AGTPBP1: variants seen among roughly 807,000 people sequenced by gnomAD.
AGTPBP1 encodes cytosolic carboxypeptidase 1.
Under a neutral mutation model 143.9 loss-of-function variants are expected in AGTPBP1, and 70 were observed. The ratio of observed to expected loss-of-function variants is 0.49; its 90% CI spans 0.40 to 0.59. AGTPBP1 has a LOEUF of 0.59. AGTPBP1 is among the 20% of genes least tolerant of loss of function. The pLI is 0.00. For missense variants in AGTPBP1, 1,229 were observed against 1,464.5 expected (o/e 0.84, Z 2.62); for synonymous variants, 463 against 500.2 (o/e 0.93, Z 0.99).
upstream of AGTPBP1, among the ~76,000 whole-genome samples, chr9:85,745,573 C>G (rs1000549073): frequency 6.6e-6 from 1 of 152,162 alleles, no homozygotes; most frequent in Non-Finnish European, 1.5e-5. Context: ...TAAATGAATG[C>G]GGCAAAACTG....
chr9:85,624,063 A>T (rs1354766591), intron 14 of AGTPBP1, among the ~76,000 whole-genome samples: 1 of 152,182 alleles, frequency 6.6e-6, no homozygotes, highest in Non-Finnish European at 1.5e-5. Flanking sequence ...CACCAGCAAA[A>T]TTGTACTTTG....
chr9:85,709,868 G>T (rs1463769523), intron 2 of AGTPBP1, among the ~76,000 whole-genome samples: 4 of 152,104 alleles, frequency 2.6e-5, no homozygotes, highest in Non-Finnish European at 5.9e-5. Flanking sequence ...TTTACTAGAC[G>T]TGCTTCTTTG....
chr9:85,715,118 A>C (rs1384280563), intron 1 of AGTPBP1, among the ~76,000 whole-genome samples: 2 of 152,002 alleles, frequency 1.3e-5, no homozygotes, highest in Non-Finnish European at 2.9e-5. Context: ...CTGGTGGTGC[A>C]AGCCTGTAAT....
At chr9:85,755,215 T>C in the AGTPBP1 span, among the ~76,000 whole-genome samples, 1 of 152,180 alleles carries the variant, frequency 6.6e-6, no homozygotes, top group Non-Finnish European at 1.5e-5. Context: ...AAACCCTTTC[T>C]ATAAGGTTCA....
chr9:85,714,127 G>T (rs1161511966), intron 1 of AGTPBP1, among the ~76,000 whole-genome samples: 1 of 152,222 alleles, frequency 6.6e-6, no homozygotes, highest in Non-Finnish European at 1.5e-5. Context: ...ATTTGAACTT[G>T]CAGTTCACAG....
rs868857640 is a variant in AGTPBP1 at position 85,692,339 on chromosome 9, T to A, written c.157+350A>T. ...CCCAGGCTGGAGTGCAGTGGCACGA[T>A]CTCAGCTCACTGCAACCTCCACCTC... On this transcript the variant is annotated intron_variant, in intron 3 of 25. Coordinates refer to ENST00000357081, the MANE Select transcript of AGTPBP1 (RefSeq NM_001330701.2). Among the ~76,000 whole-genome samples, 7 of 151,480 alleles carry A rather than the reference T, an allele frequency of 4.6e-5. No homozygotes were observed. In the South Asian group the frequency reaches 8.4e-4, roughly 18 times the overall value.
the AGTPBP1 span, among the ~76,000 whole-genome samples, chr9:85,788,897 A>G: frequency 1.3e-5 from 2 of 151,692 alleles, no homozygotes; most frequent in African/African-American, 4.8e-5. Context: ...GATCCTAATA[A>G]TAAGTTCCTT....
At chr9:85,775,986 C>G in the AGTPBP1 span, among the ~76,000 whole-genome samples, 1 of 152,188 alleles carries the variant, frequency 6.6e-6, no homozygotes, top group African/African-American at 2.4e-5. Context: ...TTTACCGTCA[C>G]AAGTCCATCC....
At chr9:85,692,894 C>A in intron 2 of AGTPBP1, 81 bp from the exon 3 acceptor site, 2 of 1,470,950 alleles carry the variant, frequency 1.4e-6, no homozygotes, top group Non-Finnish European at 1.8e-6. Context: ...GTTTAAAAAA[C>A]AATTCTACTC....
chr9:85,672,100 T>G (rs1215430161), intron 7 of AGTPBP1, among the ~76,000 whole-genome samples: 4 of 152,022 alleles, frequency 2.6e-5, no homozygotes, highest in Admixed American at 1.3e-4. Context: ...AGACGGAGTC[T>G]TGCTCTATCA....
chr9:85,683,489 T>C (rs372048046), intron 3 of AGTPBP1, among the ~76,000 whole-genome samples: 1 of 152,338 alleles, frequency 6.6e-6, no homozygotes, highest in East Asian at 1.9e-4. Context: ...GACAGTATAA[T>C]GCAGCCTCCC....
At chr9:85,733,274 AGT>A (rs1839009357) in intron 1 of AGTPBP1, among the ~76,000 whole-genome samples, 1 of 152,232 alleles carries the variant, frequency 6.6e-6, no homozygotes, top group Non-Finnish European at 1.5e-5. Context: ...TATCATACAA[AGT>A]GTGCTCTCCA....
chr9:85,595,449 G>A (rs149103105), intron 18 of AGTPBP1, among the ~76,000 whole-genome samples: 17 of 152,312 alleles, frequency 1.1e-4, no homozygotes, highest in South Asian at 6.2e-4. Context: ...GAGAATCCTC[G>A]AGTACTTAGA....
At chr9:85,769,556 T>A in the AGTPBP1 span, among the ~76,000 whole-genome samples, 1 of 151,224 alleles carries the variant, frequency 6.6e-6, no homozygotes, top group Non-Finnish European at 1.5e-5. Flanking sequence ...AAAGAACTTG[T>A]AGGTTTTCCT....
intron 1 of AGTPBP1, among the ~76,000 whole-genome samples, chr9:85,738,402 T>C (rs1027506613): frequency 6.6e-6 from 1 of 152,234 alleles, no homozygotes; most frequent in Admixed American, 6.5e-5. Context: ...TTTCACACTA[T>C]ATAATATCAA....
chr9:85,569,194 A>G (rs1310584744), intron 25 of AGTPBP1, among the ~76,000 whole-genome samples: 3 of 152,196 alleles, frequency 2.0e-5, no homozygotes, highest in Non-Finnish European at 4.4e-5. Flanking sequence ...TTACCAAAGT[A>G]ACTTTTATTA....
intron 25 of AGTPBP1, among the ~76,000 whole-genome samples, chr9:85,561,973 A>G (rs1826763061): frequency 6.6e-6 from 1 of 151,896 alleles, no homozygotes; most frequent in Non-Finnish European, 1.5e-5. Context: ...CTAGGATTAC[A>G]GGCACCTGCC....
chr9:85,713,246 C>T (rs1232729597), intron 1 of AGTPBP1, among the ~76,000 whole-genome samples: 1 of 152,170 alleles, frequency 6.6e-6, no homozygotes, highest in Non-Finnish European at 1.5e-5. Flanking sequence ...AAAAGTTAAT[C>T]ATGGCTGGGC....
chr9:85,563,872 CA>C lies in AGTPBP1; in HGVS notation c.3503+11442del, dbSNP rs372518635. On this transcript the variant is annotated intron_variant, in intron 25 of 25. Transcript: ENST00000357081. Reference sequence around the variant, plus strand: ...TCTGGCACCCTGCTCCTCTGCAGCACAAGGTGAGGCTCTGGAAGGCCCAGGT... The same window carrying C: ...TCTGGCACCCTGCTCCTCTGCAGCACAGGTGAGGCTCTGGAAGGCCCAGGT... Among the ~76,000 whole-genome samples, 20 of 152,370 alleles carry C rather than the reference CA, an allele frequency of 1.3e-4. No individual in the cohort carries two copies. In the East Asian group the frequency reaches 3.9e-3, roughly 29 times the overall value.
Sources: gnomAD v4.1 joint callset for allele counts (sites outside exome capture counted in the v4.1 genomes callset) on GRCh38, gnomAD v4.1.1 for gene constraint, MANE v1.5 for transcripts, NCBI Gene and HGNC (gene_info 2026-07-23, HGNC 2026-07-21) for gene names.